PKNOX1: variants seen among roughly 807,000 people sequenced by gnomAD.
PKNOX1 encodes homeobox protein PKNOX1.
PKNOX1 carries 15 observed loss-of-function variants against 51.9 expected under a neutral mutation model. The ratio of observed to expected loss-of-function variants is 0.29; its 90% confidence interval spans 0.19 to 0.45. PKNOX1 has a LOEUF of 0.45. Among genes scored for constraint, PKNOX1 ranks in the 20% least tolerant of loss-of-function variants. The probability of loss-of-function intolerance (pLI) is 1.00; values close to 1 mark genes in which losing one functional copy is unlikely to be tolerated. For synonymous variants in PKNOX1, 219 were observed against 211.1 expected (o/e 1.04, Z -0.32); for missense variants, 462 against 547.5 (o/e 0.84, Z 1.56).
At chr21:42,994,109 C>T (rs1185825459) in intron 1 of PKNOX1, among the ~76,000 whole-genome samples, 3 of 142,068 alleles carry the variant, frequency 2.1e-5, no homozygotes, top group East Asian at 2.1e-4. Flanking sequence ...GGTATGATCA[C>T]GGCTCACTGC....
intron 1 of PKNOX1, among the ~76,000 whole-genome samples, chr21:42,987,392 A>ATATATAT (rs1411095564): frequency 2.2e-5 from 2 of 92,636 alleles, no homozygotes; most frequent in African/African-American, 9.6e-5. Context: ...CAAAAAAAAA[A>ATATATAT]AAAAAAAAAA....
chr21:42,992,981 C>T (rs2059096221), intron 1 of PKNOX1, among the ~76,000 whole-genome samples: 1 of 149,094 alleles, frequency 6.7e-6, no homozygotes, highest in African/African-American at 2.5e-5. Context: ...GTCAGGGGGG[C>T]GTTCCTCACA....
Position 43,016,967 on chromosome 21 carries a change from C to T in PKNOX1, c.582C>T (p.Ser194=), listed in dbSNP as rs371981717. 9.9e-6 allele frequency: 16 copies of T among 1,612,766 alleles called. 1 individual carries two copies. Among genetic ancestry groups the T allele is most frequent in the Admixed American group, 5.0e-5 (3 of 60,002 alleles). Residue 194 remains serine (S), a synonymous_variant, in exon 6 of 11, where the codon TCC becomes TCT. Transcript: ENST00000291547. ...CTCAGGGAATTGTGGTGCCGGCGTC[C>T]GCGCTGCAGCAGGGAAACGTAGCCA... ...ISPQGIVVPA[S]ALQQGNVAMA...
chr21:42,987,184 C>T (rs1259710626), intron 1 of PKNOX1, among the ~76,000 whole-genome samples: 1 of 151,578 alleles, frequency 6.6e-6, no homozygotes, highest in African/African-American at 2.4e-5. Flanking sequence ...GAGTTCAAGA[C>T]CAGCCTGACC....
intron 9 of PKNOX1, 56 bp downstream of exon 9, chr21:43,025,003 C>A: frequency 1.9e-6 from 2 of 1,061,572 alleles, no homozygotes; most frequent in Non-Finnish European, 2.9e-6. Context: ...CACTTGGAAA[C>A]CCTGGCACCA....
chr21:42,993,484 C>G (rs1978333604), intron 1 of PKNOX1, among the ~76,000 whole-genome samples: 1 of 151,930 alleles, frequency 6.6e-6, no homozygotes, highest in African/African-American at 2.4e-5. Context: ...GTGGTTGTGT[C>G]CAAAGAGATT....
At chr21:42,975,778 C>T (rs1223089512) in intron 1 of PKNOX1, among the ~76,000 whole-genome samples, 2 of 152,240 alleles carry the variant, frequency 1.3e-5, no homozygotes, top group East Asian at 1.9e-4. Context: ...GTGGGGTTCT[C>T]TTCCAACTCT....
At chr21:43,022,999 A>G (rs113444788) in intron 8 of PKNOX1, among the ~76,000 whole-genome samples, 47 of 152,102 alleles carry the variant, frequency 3.1e-4, no homozygotes, top group Non-Finnish European at 7.3e-5. Flanking sequence ...ATGTTTTAAT[A>G]ATTTCTCAAA....
intron 1 of PKNOX1, among the ~76,000 whole-genome samples, chr21:42,994,287 C>G (rs1161002569): frequency 6.8e-6 from 1 of 146,884 alleles, no homozygotes; most frequent in East Asian, 2.0e-4. Flanking sequence ...AACGATCCTT[C>G]CACCTCAGCC....
intron 1 of PKNOX1, among the ~76,000 whole-genome samples, chr21:43,001,865 C>A (rs2146258419): frequency 6.6e-6 from 1 of 152,042 alleles, no homozygotes; most frequent in East Asian, 1.9e-4. Context: ...GAGGCTGAGG[C>A]AGGAGAATGG....
At chr21:43,008,180 G>A (rs1979086264) in intron 3 of PKNOX1, among the ~76,000 whole-genome samples, 1 of 151,378 alleles carries the variant, frequency 6.6e-6, no homozygotes, top group South Asian at 2.1e-4. Context: ...AAATATTCAG[G>A]CACAGATGAT....
At chr21:42,999,870 C>T (rs1978671148) in intron 1 of PKNOX1, among the ~76,000 whole-genome samples, 1 of 152,164 alleles carries the variant, frequency 6.6e-6, no homozygotes, top group Non-Finnish European at 1.5e-5. Context: ...TTCAATAGCA[C>T]CCAAGTCACC....
intron 9 of PKNOX1, among the ~76,000 whole-genome samples, chr21:43,027,730 C>T (rs892595660): frequency 1.9e-4 from 28 of 147,728 alleles, no homozygotes; most frequent in Non-Finnish European, 3.2e-4. Flanking sequence ...CCATCTTGGC[C>T]AACATGGTGT....
chr21:43,024,568 AC>A, intron 8 of PKNOX1: 2 of 313,578 alleles, frequency 6.4e-6, no homozygotes, highest in South Asian at 6.5e-5. Context: ...CCTGGTGTAG[AC>A]TCACCGCTGG....
rs560616885 is a variant in PKNOX1, at chr21:42,988,773, C to T, written c.-57+14109C>T. Among the ~76,000 whole-genome samples the T allele has an allele frequency of 1.4e-4, 22 of 152,190 alleles. No individual in the cohort carries two copies. In the South Asian group the frequency reaches 3.9e-3, roughly 27 times the overall value. On this transcript the variant is annotated intron_variant, in intron 1 of 10. Coordinates refer to ENST00000291547, the MANE Select transcript of PKNOX1 (RefSeq NM_004571.5). ...TCCTTGGTCAGGGCTGGCCCAGGAA[C>T]GGAGTGGGTTGATGAGAGGGAGCCT...
chr21:42,979,368 C>G (rs1466186156), intron 1 of PKNOX1, among the ~76,000 whole-genome samples: 1 of 152,232 alleles, frequency 6.6e-6, no homozygotes, highest in Non-Finnish European at 1.5e-5. Flanking sequence ...TTTCTTCATA[C>G]AGGGTTGCCA....
rs543300288 is a variant in PKNOX1, at chr21:42,991,891, G to A, written c.-56-12435G>A. On this transcript the variant is annotated intron_variant, in intron 1 of 10. Coordinates refer to ENST00000291547, the MANE Select transcript of PKNOX1 (RefSeq NM_004571.5). ...TTATTTATTTATTTATGTACTTACTGACTTACAGCTACTTTTTGAGATGGG... is the reference window on the plus strand; with the variant it reads ...TTATTTATTTATTTATGTACTTACTAACTTACAGCTACTTTTTGAGATGGG... 2.0e-5 allele frequency among the ~76,000 whole-genome samples: 3 copies of A among 152,302 alleles called. No homozygotes were observed. In the South Asian group the frequency reaches 6.2e-4, roughly 32 times the overall value.
At chr21:43,014,695 C>A (rs538656724) in intron 5 of PKNOX1, among the ~76,000 whole-genome samples, 1 of 152,180 alleles carries the variant, frequency 6.6e-6, no homozygotes, top group Non-Finnish European at 1.5e-5. Flanking sequence ...GTGTGAACCA[C>A]CATGCCTGGC....
chr21:43,010,113 C>T lies in PKNOX1; in HGVS notation c.240C>T (p.Gly80=). Reference sequence around the variant, plus strand: ...AAAAATGTGAACAATCTACACAGGGCTCTGAAGGCACAACTTCTGCCAGTT... The same window carrying T: ...AAAAATGTGAACAATCTACACAGGGTTCTGAAGGCACAACTTCTGCCAGTT... ...LFEKCEQSTQ[G]SEGTTSASFD... Residue 80 remains glycine, a synonymous_variant, in exon 4 of 11, where the codon GGC becomes GGT. Transcript: ENST00000291547. 6.2e-7 allele frequency: 1 copy of T among 1,606,886 alleles called. No individual in the cohort carries two copies. Among genetic ancestry groups the T allele is most frequent in the Non-Finnish European group, 8.5e-7 (1 of 1,176,238 alleles).
Sources: allele counts gnomAD v4.1 joint callset (sites outside exome capture counted in the v4.1 genomes callset), GRCh38; gene constraint gnomAD v4.1.1; transcripts MANE v1.5; gene names NCBI Gene and HGNC (gene_info 2026-07-23, HGNC 2026-07-21).